KLF13: variants seen among roughly 807,000 people sequenced by gnomAD.
The protein encoded by KLF13 is Krueppel-like factor 13.
Under a neutral mutation model 16.7 loss-of-function variants are expected in KLF13, and 8 were observed. The ratio of observed to expected loss-of-function variants is 0.48; its 90% CI spans 0.28 to 0.87. The LOEUF (loss-of-function observed/expected upper bound fraction) is 0.87, where lower values mean the gene tolerates loss of function less well. KLF13 is among the 40% of genes least tolerant of loss of function. KLF13 has a pLI of 0.10. For synonymous variants in KLF13, 245 were observed against 208.4 expected, an observed-to-expected ratio of 1.18 and a Z score of -1.51; for missense variants, 447 against 452.2, an observed-to-expected ratio of 0.99 and a Z score of 0.10.
At chr15:31,391,982 G>A (rs112625181), upstream of KLF13, among the ~76,000 whole-genome samples, 88 of 152,194 alleles carry the variant, frequency 5.8e-4, no homozygotes, top group African/African-American at 1.9e-3. Context: ...GGAGGCGGGG[G>A]AGCCCTCGGC....
chr15:31,410,526 T>A (rs1307506511), intron 1 of KLF13, among the ~76,000 whole-genome samples: 2 of 150,900 alleles, frequency 1.3e-5, no homozygotes, highest in Non-Finnish European at 2.9e-5. Flanking sequence ...AAGATATAAA[T>A]GAGTTAAACT....
chr15:31,347,288 C>G (rs1485123896), intron 1 of KLF13, among the ~76,000 whole-genome samples: 1 of 152,196 alleles, frequency 6.6e-6, no homozygotes, highest in African/African-American at 2.4e-5. Context: ...GACAGCACAC[C>G]TCAGGAAGAG....
intron 1 of KLF13, among the ~76,000 whole-genome samples, chr15:31,357,605 C>T (rs923271548): frequency 3.9e-5 from 6 of 152,190 alleles, no homozygotes; most frequent in South Asian, 4.1e-4. Context: ...TGGGCTGTTC[C>T]CCACACCCCT....
At chr15:31,361,026 C>T (rs914837166) in intron 1 of KLF13, among the ~76,000 whole-genome samples, 2 of 152,198 alleles carry the variant, frequency 1.3e-5, no homozygotes, top group Non-Finnish European at 2.9e-5. Flanking sequence ...AACTGCCTGG[C>T]TCCTTCCTCA....
intron 1 of KLF13, among the ~76,000 whole-genome samples, chr15:31,339,513 C>T (rs1340266221): frequency 6.6e-6 from 1 of 152,178 alleles, no homozygotes; most frequent in Non-Finnish European, 1.5e-5. Flanking sequence ...GTAGACACCA[C>T]ACGAGGATTT....
At chr15:31,392,778 T>C (rs1449309847), upstream of KLF13, 1 of 152,088 alleles carries the variant, frequency 6.6e-6, no homozygotes, top group African/African-American at 2.4e-5. Flanking sequence ...AGGAGCCCCA[T>C]CTGGGGCCCC....
chr15:31,431,181 G>C (rs2040467223), intron 1 of KLF13, among the ~76,000 whole-genome samples: 1 of 152,078 alleles, frequency 6.6e-6, no homozygotes, highest in Admixed American at 6.6e-5. Context: ...TGAGAAGATG[G>C]CAGTCTACAA....
At chr15:31,341,513 T>G (rs1272897749) in intron 1 of KLF13, among the ~76,000 whole-genome samples, 1 of 151,942 alleles carries the variant, frequency 6.6e-6, no homozygotes, top group Non-Finnish European at 1.5e-5. Context: ...TTTTTTTTTT[T>G]TTTGAGGCTG....
In KLF13 at chr15:31,424,906, A is replaced by ACAC. The variant is rs1566849363; in HGVS notation, n.118-10464_118-10463insCAC. Among the ~76,000 whole-genome samples, 7 of 48,520 alleles carry ACAC rather than the reference A, an allele frequency of 1.4e-4. No individual in the cohort carries two copies. The East Asian group carries it at 6.3e-3, about 43-fold the overall frequency. The allele number at this position is 48,520 out of a possible 152,430, so 31.8% of individuals were successfully genotyped here. A position where few individuals can be genotyped will look rare whatever the true frequency, so the allele number is the denominator to read the frequency against. On this transcript the variant is annotated intron_variant and non_coding_transcript_variant, in intron 1 of 1. Coordinates refer to the KLF13 transcript ENST00000558225. ...ACACACACACACACACACACACACA[A>ACAC]AGCTCTTAGAACTAAAGAACAAATT...
chr15:31,428,820 A>AAAAG (rs1555383800), intron 1 of KLF13, among the ~76,000 whole-genome samples: 3 of 72,658 alleles, frequency 4.1e-5, no homozygotes, highest in Admixed American at 2.1e-4. Flanking sequence ...AAAAAAAAAA[A>AAAAG]AAAAAGAAAA....
At chr15:31,361,174 C>T (rs982291055) in intron 1 of KLF13, among the ~76,000 whole-genome samples, 1 of 152,112 alleles carries the variant, frequency 6.6e-6, no homozygotes, top group South Asian at 2.1e-4. Context: ...GCAGGGGCCC[C>T]TGGGTGCAGA....
chr15:31,394,775 A>G (rs1381836575), intron 2 of KLF13, among the ~76,000 whole-genome samples: 1 of 152,224 alleles, frequency 6.6e-6, no homozygotes, highest in Admixed American at 6.5e-5. Context: ...GCCTCAAAAT[A>G]AAACCCTGTA....
intron 1 of KLF13, among the ~76,000 whole-genome samples, chr15:31,342,132 T>C (rs1414872644): frequency 1.3e-5 from 2 of 152,126 alleles, no homozygotes; most frequent in African/African-American, 4.8e-5. Context: ...TCACCAGTCA[T>C]CAGAACAGTT....
chr15:31,363,805 G>A (rs1037495115), intron 1 of KLF13, among the ~76,000 whole-genome samples: 2 of 152,156 alleles, frequency 1.3e-5, no homozygotes, highest in African/African-American at 4.8e-5. Flanking sequence ...TTCTTTTATG[G>A]TTTGTGGACT....
intron 1 of KLF13, among the ~76,000 whole-genome samples, chr15:31,424,832 A>G (rs2040382240): frequency 6.6e-6 from 1 of 151,490 alleles, no homozygotes; most frequent in Non-Finnish European, 1.5e-5. Context: ...AGAAGTAAAA[A>G]TACTTCTGTT....
intron 1 of KLF13, among the ~76,000 whole-genome samples, chr15:31,384,589 T>C (rs868503677): frequency 3.0e-4 from 45 of 152,316 alleles, no homozygotes; most frequent in Middle Eastern, 3.4e-3. Context: ...AATAGCACTT[T>C]TGTGAGGCTA....
chr15:31,327,125 C>T lies in KLF13; in HGVS notation c.-88C>T, dbSNP rs1384640987. 1.8e-6 allele frequency: 2 copies of T among 1,131,238 alleles called. No individual in the cohort carries two copies. Among genetic ancestry groups the T allele is most frequent in the African/African-American group, 1.7e-5 (1 of 60,470 alleles). The allele number at this position is 1,131,238 out of a possible 1,614,324, so 70.1% of individuals were successfully genotyped here. On this transcript the variant is annotated 5_prime_UTR_variant, in exon 1 of 2. Transcript: ENST00000307145. ...GAGGAGAGGGCGCGCCGCGCCCCCG[C>T]CCCCCGCCCGCTCTCCCGAGGCCGT...
intron 1 of KLF13, among the ~76,000 whole-genome samples, chr15:31,328,749 T>A (rs2038770871): frequency 6.6e-6 from 1 of 152,180 alleles, no homozygotes; most frequent in Admixed American, 6.5e-5. Context: ...CTCCCCCCTT[T>A]TTGTTTCGTT....
intron 1 of KLF13, among the ~76,000 whole-genome samples, chr15:31,409,791 T>C (rs2040169259): frequency 1.3e-5 from 2 of 152,132 alleles, no homozygotes; most frequent in Non-Finnish European, 2.9e-5. Context: ...AAAATATCTT[T>C]AAAAAATGAA....
Sources: gnomAD v4.1 joint callset for allele counts (sites outside exome capture counted in the v4.1 genomes callset) on GRCh38, gnomAD v4.1.1 for gene constraint, MANE v1.5 for transcripts, NCBI Gene and HGNC (gene_info 2026-07-23, HGNC 2026-07-21) for gene names.